Variants in ARHGEF10 observed in about 807,000 individuals in gnomAD.
ARHGEF10 encodes Rho guanine nucleotide exchange factor 10.
Under a neutral mutation model 147.4 loss-of-function variants are expected in ARHGEF10, and 140 were observed. The ratio of observed to expected loss-of-function variants is 0.95; its 90% CI spans 0.83 to 1.09. The LOEUF (loss-of-function observed/expected upper bound fraction) is 1.09. ARHGEF10 is among the 50% of genes least tolerant of loss of function. The probability of loss-of-function intolerance (pLI) is 0.00; values close to 1 mark genes in which losing one functional copy is unlikely to be tolerated. For missense variants in ARHGEF10, 2,222 were observed against 1,752.7 expected, an observed-to-expected ratio of 1.27 and a Z score of -4.78; for synonymous variants, 902 against 695.8, an observed-to-expected ratio of 1.30 and a Z score of -4.67.
At chr8:1,925,553 G>A in intron 22 of ARHGEF10, 149 bp downstream of exon 22, 7 of 1,175,242 alleles carry the variant, frequency 6.0e-6, no homozygotes, top group Non-Finnish European at 8.2e-6. Context: ...TCATTTATCT[G>A]GAAATAAGAC....
At chr8:1,900,374 C>G (rs150329204) in intron 15 of ARHGEF10, among the ~76,000 whole-genome samples, 3 of 151,996 alleles carry the variant, frequency 2.0e-5, no homozygotes, top group Admixed American at 1.3e-4. Context: ...CTTTTTTATG[C>G]GCTAGGAAAC....
At chr8:1,857,422 CTT>C (rs60823878) in intron 2 of ARHGEF10, among the ~76,000 whole-genome samples, 42 of 137,288 alleles carry the variant, frequency 3.1e-4, no homozygotes, top group African/African-American at 6.1e-4. Flanking sequence ...GTTTTCTTTT[CTT>C]TTTTTTTTTT....
rs2129300260 is a variant in ARHGEF10, at chr8:1,958,274, A to C, written c.*1011A>C. 1 of 152,388 alleles carries C rather than the reference A, an allele frequency of 6.6e-6. No individual in the cohort carries two copies. Among genetic ancestry groups the C allele is most frequent in the East Asian group, 1.9e-4 (1 of 5,178 alleles). 9.4% of individuals were successfully genotyped at this position (152,388 alleles called of 1,614,324 possible). On this transcript the variant is annotated 3_prime_UTR_variant, in exon 29 of 29. Transcript: ENST00000349830. ...CCTCGGGCCAGCCTGTCTGTTGTGC[A>C]GACGCCTCCTCTGCAGAACGCATCA...
chr8:1,840,141 T>C (rs1271322819), intron 1 of ARHGEF10, among the ~76,000 whole-genome samples: 1 of 133,316 alleles, frequency 7.5e-6, no homozygotes, highest in Non-Finnish European at 1.6e-5. Flanking sequence ...GTGGAAGCTG[T>C]CTGGTGTGGG....
intron 1 of ARHGEF10, among the ~76,000 whole-genome samples, chr8:1,841,109 G>C (rs1803997925): frequency 6.6e-6 from 1 of 152,264 alleles, no homozygotes; most frequent in South Asian, 2.1e-4. Flanking sequence ...CCCGCCCTCA[G>C]CTGTAGCCTT....
At chr8:1,843,496 C>A in intron 2 of ARHGEF10, 60 bp downstream of exon 2, 1 of 1,339,018 alleles carries the variant, frequency 7.5e-7, no homozygotes, top group Non-Finnish European at 1.1e-6. Flanking sequence ...TCATCAAGGA[C>A]GGGGTACTTC....
intron 18 of ARHGEF10, 135 bp from the exon 19 acceptor site, chr8:1,922,829 C>A: frequency 1.5e-6 from 1 of 645,370 alleles, no homozygotes. Context: ...TTGAAAATGT[C>A]CACTTTTTAA....
At chr8:1,852,032 G>A (rs760923177) in intron 2 of ARHGEF10, among the ~76,000 whole-genome samples, 5 of 152,224 alleles carry the variant, frequency 3.3e-5, no homozygotes, top group South Asian at 2.1e-4. Context: ...CAGACAGGCC[G>A]TTAGCCGTCT....
intron 1 of ARHGEF10, among the ~76,000 whole-genome samples, chr8:1,833,790 C>T (rs1803415838): frequency 6.6e-6 from 1 of 152,254 alleles, no homozygotes; most frequent in African/African-American, 2.4e-5. Flanking sequence ...CTCCTGGCCG[C>T]TGACCCCCAT....
At chr8:1,867,040 A>G (rs1381577398) in intron 6 of ARHGEF10, among the ~76,000 whole-genome samples, 3 of 145,954 alleles carry the variant, frequency 2.1e-5, no homozygotes, top group South Asian at 2.2e-4. Context: ...TTTGTCCCAT[A>G]CACACTTTAT....
At chr8:1,887,847 A>AGTGGGAT (rs1808824891) in intron 11 of ARHGEF10, among the ~76,000 whole-genome samples, 1 of 143,474 alleles carries the variant, frequency 7.0e-6, no homozygotes, top group African/African-American at 2.7e-5. Flanking sequence ...GGAGACACTG[A>AGTGGGAT]GTGGGATGTG....
chr8:1,869,707 A>G (rs923891790), intron 7 of ARHGEF10: 6 of 269,306 alleles, frequency 2.2e-5, no homozygotes, highest in African/African-American at 1.3e-4. Flanking sequence ...GTTGATCCAT[A>G]CCTAGGCCGA....
intron 11 of ARHGEF10, among the ~76,000 whole-genome samples, chr8:1,890,569 C>T (rs1236930787): frequency 7.0e-6 from 1 of 142,412 alleles, no homozygotes; most frequent in Non-Finnish European, 1.5e-5. Context: ...TGAGGAGTCA[C>T]TGAGTGTGTA....
intron 15 of ARHGEF10, among the ~76,000 whole-genome samples, chr8:1,900,375 G>A (rs956572239): frequency 2.0e-5 from 3 of 152,026 alleles, no homozygotes; most frequent in Non-Finnish European, 4.4e-5. Flanking sequence ...TTTTTTATGC[G>A]CTAGGAAACT....
chr8:1,913,223 C>T (rs1430362853), intron 18 of ARHGEF10, among the ~76,000 whole-genome samples: 1 of 152,148 alleles, frequency 6.6e-6, no homozygotes, highest in Non-Finnish European at 1.5e-5. Flanking sequence ...TAGCCGGGCT[C>T]TGGCCTTCAA....
intron 1 of ARHGEF10, among the ~76,000 whole-genome samples, chr8:1,837,175 G>A (rs528856456): frequency 6.6e-6 from 1 of 152,368 alleles, no homozygotes; most frequent in African/African-American, 2.4e-5. Flanking sequence ...GGGTCAGGAT[G>A]CCGGTGGTAG....
chr8:1,827,614 A>C (rs1026299142), intron 1 of ARHGEF10, among the ~76,000 whole-genome samples: 1 of 152,212 alleles, frequency 6.6e-6, no homozygotes, highest in African/African-American at 2.4e-5. Flanking sequence ...CGTCAAAATG[A>C]TCATTTTAAA....
intron 11 of ARHGEF10, among the ~76,000 whole-genome samples, chr8:1,886,212 G>C (rs752082683): frequency 1.3e-5 from 2 of 152,186 alleles, no homozygotes; most frequent in Non-Finnish European, 2.9e-5. Context: ...GATTGTCTTA[G>C]GGTAAAAGGA....
Position 1,928,774 on chromosome 8 carries a change from G to C in ARHGEF10, c.2921+124G>C, listed in dbSNP as rs1812884801. On this transcript the variant is annotated intron_variant, in intron 24 of 28. Transcript: ENST00000349830. ...GGAGTAGCCCGTGCAGGAATTAGGGGATACCAGGGGAAATTTTTAGGGTCA... is the reference window on the plus strand; with the variant it reads ...GGAGTAGCCCGTGCAGGAATTAGGGCATACCAGGGGAAATTTTTAGGGTCA... 3 of 1,062,444 alleles carry C rather than the reference G, an allele frequency of 2.8e-6. No homozygotes were observed. The South Asian group carries it at 4.0e-5, about 14-fold the overall frequency. The allele number at this position is 1,062,444 out of a possible 1,614,324, so 65.8% of individuals were successfully genotyped here. A position where few individuals can be genotyped will look rare whatever the true frequency, so the allele number is the denominator to read the frequency against.
Sources: gnomAD v4.1 joint callset for allele counts (sites outside exome capture counted in the v4.1 genomes callset) on GRCh38, gnomAD v4.1.1 for gene constraint, MANE v1.5 for transcripts, NCBI Gene and HGNC (gene_info 2026-07-23, HGNC 2026-07-21) for gene names.